ACTR1B: variants seen among roughly 807,000 people sequenced by gnomAD.
ACTR1B encodes beta-centractin.
Under a neutral mutation model 49.4 loss-of-function variants are expected in ACTR1B, and 34 were observed. The observed-to-expected ratio is 0.69, with a 90% CI of 0.52 to 0.92. The LOEUF (loss-of-function observed/expected upper bound fraction) is 0.92, where lower values mean the gene tolerates loss of function less well. ACTR1B is among the 40% of genes least tolerant of loss of function. The pLI, the probability that ACTR1B is intolerant of heterozygous loss-of-function variation, is 0.00. For synonymous variants in ACTR1B, 207 were observed against 207.8 expected (o/e 1.00, Z 0.03); for missense variants, 471 against 522.4 (o/e 0.90, Z 0.96).
chr2:97,657,999 A>C lies in ACTR1B; in HGVS notation c.869T>G (p.Leu290Arg). ...GATGTTGGCGAACAGCGTCCGGCGCAGGTCCATGTCGGACTTGTGTATGGC... is the reference window on the plus strand; with the variant it reads ...GATGTTGGCGAACAGCGTCCGGCGCCGGTCCATGTCGGACTTGTGTATGGC... ...AFAIHKSDMD[L>R]RRTLFANIVL... is the part of the protein sequence containing the mutation. The change falls in exon 8 of 11, where the codon CTG becomes CGG. Residue 290 changes from leucine to arginine, a missense_variant. Physicochemically the swap from Leu to Arg is moderately radical, Grantham distance 102. Coordinates refer to ENST00000289228, the MANE Select transcript of ACTR1B (RefSeq NM_005735.4). 1.2e-6 allele frequency: 2 copies of C among 1,614,196 alleles called. No individual in the cohort carries two copies. The highest frequency in any genetic ancestry group is 1.7e-6 in the Non-Finnish European group (2 of 1,180,050).
In ACTR1B at chr2:97,658,960, TTC is replaced by T. The variant is rs758001844; in HGVS notation, c.357_358del (p.Asn120ProfsTer10). On this transcript the variant is annotated frameshift_variant, in exon 5 of 11. Coordinates refer to ENST00000289228, the MANE Select transcript of ACTR1B (RefSeq NM_005735.4). LOFTEE classifies it high-confidence loss of function. The surrounding 1 kb of genome is among the most constrained non-coding windows in gnomAD (Gnocchi z 5.9). ...GAACACCTCTGCCGCCTTCTCCCGG[TTC>T]TTACTCGGGTTGAGCGGGGCCTCCG... 6.2e-7 allele frequency: 1 copy of T among 1,614,076 alleles called. No individual in the cohort carries two copies. The highest frequency in any genetic ancestry group is 8.5e-7 in the Non-Finnish European group (1 of 1,179,982).
intron 2 of ACTR1B, 116 bp downstream of exon 2, chr2:97,661,766 G>T: frequency 2.0e-6 from 2 of 987,906 alleles, no homozygotes; most frequent in Non-Finnish European, 3.1e-6. Flanking sequence ...CACAAATTTG[G>T]TGTTTTCCAT....
At chr2:97,662,194 C>T (rs1675031603) in intron 1 of ACTR1B, among the ~76,000 whole-genome samples, 1 of 152,172 alleles carries the variant, frequency 6.6e-6, no homozygotes, top group Non-Finnish European at 1.5e-5. Flanking sequence ...CTATTGGCAT[C>T]TAGTGGGCAG....
At chr2:97,657,643 C>T in intron 8 of ACTR1B, 134 bp from the exon 9 acceptor site, 1 of 1,013,048 alleles carries the variant, frequency 9.9e-7, no homozygotes, top group Non-Finnish European at 1.5e-6. Flanking sequence ...AAGGGCAAGG[C>T]TGAGAAATGA....
At chr2:97,660,491 A>T in intron 3 of ACTR1B, 80 bp downstream of exon 3, 1 of 1,441,092 alleles carries the variant, frequency 6.9e-7, no homozygotes, top group Admixed American at 1.7e-5. Context: ...GGAGGTCACC[A>T]GCAGAGGCCC....
chr2:97,663,615 A>AGG (rs1473416078), intron 1 of ACTR1B, among the ~76,000 whole-genome samples: 1 of 151,064 alleles, frequency 6.6e-6, no homozygotes, highest in Non-Finnish European at 1.5e-5. Context: ...CGACTCGGGG[A>AGG]GGGGTCGGGG....
rs1674946334 is a variant in ACTR1B, at chr2:97,659,250, A to G, written c.315+102T>C. 4 of 1,554,212 alleles carry G rather than the reference A, an allele frequency of 2.6e-6. No individual in the cohort carries two copies. The highest frequency in any genetic ancestry group is 2.3e-5 in the South Asian group (2 of 85,580). ...CACACGGAAAGGCAGCAGGCCCTCT[A>G]GAAATGTAGAAGGGAAATGTGGGAG... On this transcript the variant is annotated intron_variant, in intron 4 of 10. Coordinates refer to ENST00000289228, the MANE Select transcript of ACTR1B (RefSeq NM_005735.4). This position sits in a 1 kb window ranked among gnomAD's most constrained non-coding sequence, Gnocchi z 4.0.
At chr2:97,661,783 C>G in intron 2 of ACTR1B, 99 bp downstream of exon 2, 2 of 1,254,708 alleles carry the variant, frequency 1.6e-6, no homozygotes, top group Admixed American at 4.0e-5. Context: ...CCATACAGGT[C>G]AGGGCACAAA....
rs368997121 is a variant in ACTR1B at position 97,660,588 on chromosome 2, T to C, written c.172A>G (p.Ile58Val). 8.7e-6 allele frequency: 14 copies of C among 1,613,992 alleles called. No individual in the cohort carries two copies. Among genetic ancestry groups the C allele is most frequent in the African/African-American group, 8.0e-5 (6 of 74,932 alleles). Residue 58 changes from isoleucine to valine, a missense_variant, in exon 3 of 11, where the codon ATC becomes GTC. Physicochemically the swap from Ile to Val is conservative, Grantham distance 29 (BLOSUM62 3). Transcript: ENST00000289228. ...GGTGTTACCTCTGCTTTTGGTCCGA[T>C]GAAGAGGTCCCCCTCCAGGGCTCCA... ...MAGALEGDLFIGPKAEEHRGL... is the reference protein window; with the variant it reads ...MAGALEGDLFVGPKAEEHRGL...
chr2:97,657,913 T>C, intron 8 of ACTR1B, 30 bp downstream of exon 8: 1 of 1,609,028 alleles, frequency 6.2e-7, no homozygotes, highest in Non-Finnish European at 8.5e-7. Context: ...GGGCCTCGTC[T>C]CACCACCACC....
intron 2 of ACTR1B, among the ~76,000 whole-genome samples, chr2:97,661,034 C>T (rs934090235): frequency 7.2e-5 from 11 of 152,218 alleles, no homozygotes; most frequent in East Asian, 1.9e-4. Flanking sequence ...GAAGCTGGGT[C>T]GGGGCTCCCT....
chr2:97,659,229 C>T lies in ACTR1B; in HGVS notation c.315+123G>A, dbSNP rs753393769. ...GTACGTATGCGCACCCAGACACACA[C>T]GGAAAGGCAGCAGGCCCTCTAGAAA... On this transcript the variant is annotated intron_variant, in intron 4 of 10. Coordinates refer to ENST00000289228, the MANE Select transcript of ACTR1B (RefSeq NM_005735.4). This position sits in a 1 kb window ranked among gnomAD's most constrained non-coding sequence, Gnocchi z 4.0. 17 of 1,504,540 alleles carry T rather than the reference C, an allele frequency of 1.1e-5. No homozygotes were observed. Among genetic ancestry groups the T allele is most frequent in the East Asian group, 9.1e-5 (4 of 43,860 alleles). The allele number at this position is 1,504,540 out of a possible 1,614,324, so 93.2% of individuals were successfully genotyped here.
At chr2:97,661,369 GT>G (rs1259395675) in intron 2 of ACTR1B, among the ~76,000 whole-genome samples, 2 of 152,206 alleles carry the variant, frequency 1.3e-5, no homozygotes, top group Non-Finnish European at 2.9e-5. Context: ...CAATGGGCTC[GT>G]GGTGGGTGCA....
At chr2:97,663,509 C>T (rs1464862237) in intron 1 of ACTR1B, among the ~76,000 whole-genome samples, 1 of 152,202 alleles carries the variant, frequency 6.6e-6, no homozygotes, top group African/African-American at 2.4e-5. Context: ...GGTGTGGAAA[C>T]CTGCCCAGGA....
intron 8 of ACTR1B, 138 bp from the exon 9 acceptor site, chr2:97,657,647 G>C (rs1674879477): frequency 4.0e-6 from 4 of 989,562 alleles, no homozygotes; most frequent in Non-Finnish European, 6.2e-6. Context: ...GCAAGGCTGA[G>C]AAATGATCCA....
rs1237177426 is a variant in ACTR1B, at chr2:97,658,094, G to C, written c.774C>G (p.Ala258=). 6.2e-7 allele frequency: 1 copy of C among 1,614,070 alleles called. No homozygotes were observed. Among genetic ancestry groups the C allele is most frequent in the Admixed American group, 1.7e-5 (1 of 60,028 alleles). The part of the protein sequence containing the change: ...TLDVGPARFR[A]PELLFQPDLV... The stretch of plus-strand genomic sequence containing the variant: ...GGTCCGGCTGGAACAGCAGCTCGGG[G>C]GCCCGGAATCGTGCAGGCCCCACCT... The change falls in exon 8 of 11, where the codon GCC becomes GCG. Residue 258 remains alanine, a synonymous_variant. Coordinates refer to ENST00000289228, the MANE Select transcript of ACTR1B (RefSeq NM_005735.4). The surrounding 1 kb of genome is among the most constrained non-coding windows in gnomAD (Gnocchi z 5.9).
At chr2:97,660,140 G>A (rs7605130) in intron 3 of ACTR1B, among the ~76,000 whole-genome samples, 3 of 152,038 alleles carry the variant, frequency 2.0e-5, no homozygotes, top group Non-Finnish European at 4.4e-5. Context: ...CTCCTCAGGC[G>A]CCTAAACTGC....
In ACTR1B at chr2:97,658,287, C is replaced by T. The variant is rs1674911702; in HGVS notation, c.687G>A (p.Gln229=). 10 of 1,614,228 alleles carry T rather than the reference C, an allele frequency of 6.2e-6. No homozygotes were observed. The highest frequency in any genetic ancestry group is 6.8e-6 in the Non-Finnish European group (8 of 1,180,030). ...TCTCCGTCTCCAGAGCCTCATCCTT[C>T]TGTGGGTTGATGGACAGGTAGCACG... ...ERACYLSINP[Q]KDEALETEKV... is the part of the protein sequence containing the mutation. The change falls in exon 7 of 11, where the codon CAG becomes CAA. Residue 229 remains glutamine, a synonymous_variant. Transcript: ENST00000289228. This position sits in a 1 kb window ranked among gnomAD's most constrained non-coding sequence, Gnocchi z 5.9.
intron 1 of ACTR1B, among the ~76,000 whole-genome samples, chr2:97,663,307 A>C (rs1047742073): frequency 1.3e-5 from 2 of 152,224 alleles, no homozygotes; most frequent in African/African-American, 4.8e-5. Context: ...CAGCACAGGA[A>C]GCATTTAAGG....
Sources: allele counts gnomAD v4.1 joint callset (sites outside exome capture counted in the v4.1 genomes callset), GRCh38; gene constraint gnomAD v4.1.1; non-coding constraint Gnocchi (gnomAD v3.1); transcripts MANE v1.5; gene names NCBI Gene and HGNC (gene_info 2026-07-23, HGNC 2026-07-21).